GRIP2: variants seen among roughly 807,000 people sequenced by gnomAD.
GRIP2 encodes glutamate receptor-interacting protein 2.
Under a neutral mutation model 108.3 loss-of-function variants are expected in GRIP2, and 58 were observed. That is an observed-to-expected ratio of 0.54 (90% CI 0.43 to 0.67). The LOEUF is 0.67. GRIP2 is among the 30% of genes least tolerant of loss of function. The probability of loss-of-function intolerance (pLI) is 0.00; values close to 1 mark genes in which losing one functional copy is unlikely to be tolerated. For synonymous variants in GRIP2, 586 were observed against 598.2 expected (o/e 0.98, Z 0.30); for missense variants, 1,278 against 1,430.6 (o/e 0.89, Z 1.72).
At chr3:14,572,483 G>A in the GRIP2 span, among the ~76,000 whole-genome samples, 1 of 150,972 alleles carries the variant, frequency 6.6e-6, no homozygotes, top group Non-Finnish European at 1.5e-5. Flanking sequence ...GTGGTGGCGG[G>A]CGCCTGTAGT....
the GRIP2 span, among the ~76,000 whole-genome samples, chr3:14,581,952 T>G: frequency 6.6e-6 from 1 of 151,646 alleles, no homozygotes; most frequent in South Asian, 2.1e-4. Flanking sequence ...AGCTGAGGAG[T>G]AGGGCAACAG....
intron 9 of GRIP2, among the ~76,000 whole-genome samples, 159 bp from the exon 10 acceptor site, chr3:14,518,056 C>T (rs546573038): frequency 3.3e-5 from 5 of 152,322 alleles, no homozygotes; most frequent in South Asian, 2.1e-4. Context: ...TACAATGTGC[C>T]GGGCACTGTG....
intron 23 of GRIP2, 26 bp from the exon 24 acceptor site, chr3:14,493,852 A>G: frequency 6.3e-7 from 1 of 1,596,598 alleles, no homozygotes; most frequent in Admixed American, 1.7e-5. Context: ...GCAAGGGAAC[A>G]GAACCGAGAT....
chr3:14,545,244 C>T (rs1254807858), upstream of GRIP2, among the ~76,000 whole-genome samples: 3 of 152,260 alleles, frequency 2.0e-5, no homozygotes. Flanking sequence ...ATCCCAGGAA[C>T]ATCTCCACTT....
At chr3:14,548,981 T>C (rs1695100589) in intron 1 of GRIP2, among the ~76,000 whole-genome samples, 1 of 152,134 alleles carries the variant, frequency 6.6e-6, no homozygotes, top group Non-Finnish European at 1.5e-5. Flanking sequence ...GTGTGTCTCC[T>C]TTACCTCCCT....
rs1455395656 is a variant in GRIP2, at chr3:14,511,989, C to T, written c.1721-510G>A. 6.6e-6 allele frequency among the ~76,000 whole-genome samples: 1 copy of T among 152,176 alleles called. No homozygotes were observed. Among genetic ancestry groups the T allele is most frequent in the Admixed American group, 6.5e-5 (1 of 15,284 alleles). On this transcript the variant is annotated intron_variant, in intron 14 of 23. Coordinates refer to ENST00000621039, the MANE Select transcript of GRIP2 (RefSeq NM_001080423.4). This position sits in a 1 kb window ranked among gnomAD's most constrained non-coding sequence, Gnocchi z 4.1. ...GTCACAATCAACAACATTTAAACAC[C>T]GATGAAGTGAGCTGTGGAGAAACCT...
At chr3:14,494,783 C>A (rs1225593198) in intron 23 of GRIP2, 60 bp downstream of exon 23, 8 of 1,544,772 alleles carry the variant, frequency 5.2e-6, no homozygotes, top group Non-Finnish European at 7.0e-6. Context: ...AGGCTCTTTC[C>A]CCACCCTCAG....
chr3:14,598,202 G>C, the GRIP2 span, among the ~76,000 whole-genome samples: 5 of 151,800 alleles, frequency 3.3e-5, no homozygotes, highest in African/African-American at 1.2e-4. Flanking sequence ...ATGACCTCGT[G>C]GACCATTTGT....
the GRIP2 span, among the ~76,000 whole-genome samples, chr3:14,598,283 G>A: frequency 9.9e-5 from 15 of 151,068 alleles, no homozygotes; most frequent in East Asian, 2.6e-3. Flanking sequence ...CCGCCTTATC[G>A]TCTTCCCGTT....
At chr3:14,583,564 G>T in the GRIP2 span, among the ~76,000 whole-genome samples, 1 of 152,222 alleles carries the variant, frequency 6.6e-6, no homozygotes, top group Non-Finnish European at 1.5e-5. Flanking sequence ...CTGGGAGGCT[G>T]AGAGGGAAAG....
Position 14,514,145 on chromosome 3 carries a change from C to T in GRIP2, c.1493+147G>A, listed in dbSNP as rs375240471. ...GGCAAGTGAGTCAGCTTCTCTGAGCCTCGGTTTCCTCATCTGTAAAATGGG... is the reference window on the plus strand; with the variant it reads ...GGCAAGTGAGTCAGCTTCTCTGAGCTTCGGTTTCCTCATCTGTAAAATGGG... On this transcript the variant is annotated intron_variant, in intron 12 of 23. Transcript: ENST00000621039. 907 of 818,810 alleles carry T rather than the reference C, an allele frequency of 1.1e-3. 17 individuals carry two copies. In the South Asian group the frequency reaches 0.015, roughly 14 times the overall value. 50.7% of individuals were successfully genotyped at this position (818,810 alleles called of 1,614,324 possible). A position where few individuals can be genotyped will look rare whatever the true frequency, so the allele number is the denominator to read the frequency against.
rs574563316 is a variant in GRIP2 at position 14,524,435 on chromosome 3, C to T, written c.361G>A (p.Glu121Lys). The T allele has an allele frequency of 2.7e-5, 43 of 1,607,190 alleles. No individual in the cohort carries two copies. Among genetic ancestry groups the T allele is most frequent in the East Asian group, 1.3e-4 (6 of 44,654 alleles). The change falls in exon 4 of 24, where the codon GAG becomes AAG. Residue 121 changes from glutamate to lysine, a missense_variant. By Grantham distance (56) the Glu-to-Lys change is moderately conservative (BLOSUM62 1). Transcript: ENST00000621039. ...EIITLLKNVG[E>K]RVVLEVEYEL... ...TACTCCACCTCCAGCACCACGCGCT[C>T]GCCCACATTCTTGAGCAGGGTGATG...
upstream of GRIP2, among the ~76,000 whole-genome samples, chr3:14,544,116 A>G (rs975988040): frequency 1.3e-5 from 2 of 152,196 alleles, no homozygotes; most frequent in African/African-American, 4.8e-5. Context: ...ACCACCCACA[A>G]GCTGTGTGAC....
In GRIP2 at chr3:14,507,383, C is replaced by T. The variant is rs1027278068; in HGVS notation, c.2218+178G>A. Among the ~76,000 whole-genome samples, 6 of 152,394 alleles carry T rather than the reference C, an allele frequency of 3.9e-5. No homozygotes were observed. Among genetic ancestry groups the T allele is most frequent in the Middle Eastern group, 3.4e-3 (1 of 294 alleles). On this transcript the variant is annotated intron_variant, in intron 18 of 23. Transcript: ENST00000621039. This position sits in a 1 kb window ranked among gnomAD's most constrained non-coding sequence, Gnocchi z 4.6. Reference sequence around the variant, plus strand: ...AGACCCAGATTCTGCCCCGTGCCCACTGTGTGGCCCTGGGCTCATCACTTC... The same window carrying T: ...AGACCCAGATTCTGCCCCGTGCCCATTGTGTGGCCCTGGGCTCATCACTTC...
chr3:14,529,273 C>A (rs1444676918), intron 1 of GRIP2, among the ~76,000 whole-genome samples: 2 of 130,378 alleles, frequency 1.5e-5, no homozygotes, highest in South Asian at 4.8e-4. Flanking sequence ...AGTGAGACTC[C>A]GTCTCAAAAA....
At position 14,500,761 on chromosome 3, in the gene GRIP2, G is replaced by A. The variant is rs531740735; in HGVS notation, c.2679+2805C>T. On this transcript the variant is annotated intron_variant, in intron 21 of 23. Transcript: ENST00000621039. ...TCGGTGAAAGACTATCTTAAAGGAT[G>A]AGCTCAGAAAAAAAGGGGTATGCAA... 1.4e-4 allele frequency among the ~76,000 whole-genome samples: 22 copies of A among 152,162 alleles called. No homozygotes were observed. In the East Asian group the frequency reaches 2.1e-3, roughly 15 times the overall value.
chr3:14,510,542 G>A (rs962991252), intron 16 of GRIP2, among the ~76,000 whole-genome samples: 1 of 152,078 alleles, frequency 6.6e-6, no homozygotes, highest in Non-Finnish European at 1.5e-5. Context: ...GGGGTGTACA[G>A]GTATGAGCCA....
In GRIP2 at chr3:14,493,769, CGGCCAGGAGT is replaced by C; in HGVS notation, c.3018_3027del (p.Leu1007ArgfsTer8). The C allele has an allele frequency of 6.2e-7, 1 of 1,612,986 alleles. No individual in the cohort carries two copies. Among genetic ancestry groups the C allele is most frequent in the Non-Finnish European group, 8.5e-7 (1 of 1,179,576 alleles). On this transcript the variant is annotated frameshift_variant, in exon 24 of 24. Coordinates refer to ENST00000621039, the MANE Select transcript of GRIP2 (RefSeq NM_001080423.4). LOFTEE classifies it high-confidence loss of function. Reference sequence around the variant, plus strand: ...ATCAGCTCCAAGACATCACCCGCCTCGGCCAGGAGTGGCACCGCCAGGCAGCAGTCGAAGT... The same window carrying C: ...ATCAGCTCCAAGACATCACCCGCCTCGGCACCGCCAGGCAGCAGTCGAAGT...
At chr3:14,570,328 C>A in the GRIP2 span, among the ~76,000 whole-genome samples, 1 of 152,160 alleles carries the variant, frequency 6.6e-6, no homozygotes, top group South Asian at 2.1e-4. Context: ...CCTGGGATGG[C>A]GTCATGACCC....
Sources: gnomAD v4.1 joint callset for allele counts (sites outside exome capture counted in the v4.1 genomes callset) on GRCh38, gnomAD v4.1.1 for gene constraint, Gnocchi (gnomAD v3.1) non-coding constraint, MANE v1.5 for transcripts, NCBI Gene and HGNC (gene_info 2026-07-23, HGNC 2026-07-21) for gene names.